COLGALT2: variants seen among roughly 807,000 people sequenced by gnomAD.
COLGALT2 encodes procollagen galactosyltransferase 2.
A neutral mutation model predicts 73.4 loss-of-function variants in COLGALT2; 49 were observed. The observed-to-expected ratio is 0.67, with a 90% CI of 0.53 to 0.85. The LOEUF (loss-of-function observed/expected upper bound fraction) is 0.85, where lower values mean the gene tolerates loss of function less well. COLGALT2 is among the 40% of genes least tolerant of loss of function. COLGALT2 has a pLI of 0.00. For synonymous variants in COLGALT2, 295 were observed against 307.6 expected (o/e 0.96, Z 0.43); for missense variants, 722 against 790.2 (o/e 0.91, Z 1.03).
intron 1 of COLGALT2, among the ~76,000 whole-genome samples, chr1:184,022,238 C>T (rs999888745): frequency 5.3e-5 from 8 of 152,078 alleles, no homozygotes; most frequent in African/African-American, 1.2e-4. Flanking sequence ...AAACTAATTA[C>T]GTGAATAAAT....
intron 8 of COLGALT2, among the ~76,000 whole-genome samples, chr1:183,949,122 A>G (rs1040397399): frequency 1.4e-4 from 22 of 152,234 alleles, no homozygotes; most frequent in Non-Finnish European, 2.6e-4. Flanking sequence ...ATTACGAATC[A>G]GAAGACTTCA....
chr1:183,963,047 A>C (rs1041714559), intron 6 of COLGALT2, among the ~76,000 whole-genome samples: 1 of 152,194 alleles, frequency 6.6e-6, no homozygotes, highest in African/African-American at 2.4e-5. Context: ...AAGCCATTTC[A>C]ACATCTTCCC....
At chr1:184,013,003 A>C (rs1648860334) in intron 1 of COLGALT2, among the ~76,000 whole-genome samples, 1 of 152,236 alleles carries the variant, frequency 6.6e-6, no homozygotes, top group African/African-American at 2.4e-5. Context: ...AGTAAACATA[A>C]TTAAGAATAG....
Position 183,995,291 on chromosome 1 carries a change from T to A in COLGALT2, c.264-16771A>T, listed in dbSNP as rs1036917130. Reference sequence around the variant, plus strand: ...AATCTCCCAAACAACCAAACATTTTTAAAAAATCTAACCACTGGCAAAAGT... The same window carrying A: ...AATCTCCCAAACAACCAAACATTTTAAAAAAATCTAACCACTGGCAAAAGT... On this transcript the variant is annotated intron_variant, in intron 1 of 11. Transcript: ENST00000361927. 2.0e-5 allele frequency among the ~76,000 whole-genome samples: 3 copies of A among 152,208 alleles called. No individual in the cohort carries two copies. The East Asian group carries it at 5.8e-4, about 29-fold the overall frequency.
intron 6 of COLGALT2, among the ~76,000 whole-genome samples, chr1:183,957,778 G>GTTTTTT (rs367921171): frequency 8.4e-6 from 1 of 118,918 alleles, no homozygotes; most frequent in Non-Finnish European, 1.7e-5. Flanking sequence ...TTTTGTGGTG[G>GTTTTTT]TTTTTTTTTT....
rs1184540125 is a variant in COLGALT2, at chr1:183,951,184, T to C, written c.1030-71A>G. On this transcript the variant is annotated intron_variant, in intron 7 of 11. Transcript: ENST00000361927. ...CTTCTTTTAGGCTGTTTGAAAAGTT[T>C]AGTAAATGTTTTAGATAGAAGAAGG... 2.7e-6 allele frequency: 3 copies of C among 1,114,122 alleles called. No individual in the cohort carries two copies. In the East Asian group the frequency reaches 7.1e-5, roughly 26 times the overall value. 69.0% of individuals were successfully genotyped at this position (1,114,122 alleles called of 1,614,324 possible).
chr1:184,021,349 T>G (rs1298435615), intron 1 of COLGALT2, among the ~76,000 whole-genome samples: 1 of 152,180 alleles, frequency 6.6e-6, no homozygotes, highest in South Asian at 2.1e-4. Context: ...GGAAACTTGA[T>G]CCCCAATGTG....
chr1:183,973,245 C>T (rs540501756), intron 4 of COLGALT2, among the ~76,000 whole-genome samples: 86 of 152,234 alleles, frequency 5.6e-4, no homozygotes, highest in African/African-American at 2.1e-3. Context: ...GATTTAACAT[C>T]TGTCTTGTTG....
At chr1:184,015,203 G>C (rs1259621081) in intron 1 of COLGALT2, among the ~76,000 whole-genome samples, 1 of 152,236 alleles carries the variant, frequency 6.6e-6, no homozygotes, top group African/African-American at 2.4e-5. Context: ...AAAGTATCAA[G>C]AGGGTCTTAA....
rs749642589 is a variant in COLGALT2 at position 183,963,989 on chromosome 1, G to T, written c.864C>A (p.His288Gln). The T allele has an allele frequency of 1.2e-6, 2 of 1,613,584 alleles. No individual in the cohort carries two copies. The highest frequency in any genetic ancestry group is 3.3e-4 in the Middle Eastern group (2 of 6,054). ...GIQMYLCNREHYGYLPIPLKP... is the reference protein window; with the variant it reads ...GIQMYLCNREQYGYLPIPLKP... ...TCAGGGGGATGGGCAGGTAGCCATAGTGCTCTCTGTTGCAGAGGTACATCT... is the reference window on the plus strand; with the variant it reads ...TCAGGGGGATGGGCAGGTAGCCATATTGCTCTCTGTTGCAGAGGTACATCT... The change falls in exon 6 of 12, where the codon CAC (histidine) becomes CAA (glutamine). Residue 288 changes from histidine (H) to glutamine (Q), a missense_variant. Physicochemically the swap from His to Gln is conservative, Grantham distance 24. Coordinates refer to ENST00000361927, the MANE Select transcript of COLGALT2 (RefSeq NM_015101.4).
chr1:184,037,109 G>T lies in COLGALT2; in HGVS notation c.249C>A (p.Ser83Arg). The change falls in exon 1 of 12, where the codon AGC becomes AGA. Residue 83 changes from serine to arginine, a missense_variant. Physicochemically the swap from Ser to Arg is moderately radical, Grantham distance 110 (BLOSUM62 -1). Coordinates refer to ENST00000361927, the MANE Select transcript of COLGALT2 (RefSeq NM_015101.4). ...GCLERLDYPKSRMAIWAATDH... is the reference protein window; with the variant it reads ...GCLERLDYPKRRMAIWAATDH... Reference sequence around the variant, plus strand: ...TGCGCGCTCACCAGATGGCCATCCTGCTCTTGGGGTAGTCCAGCCGCTCCA... The same window carrying T: ...TGCGCGCTCACCAGATGGCCATCCTTCTCTTGGGGTAGTCCAGCCGCTCCA... 1 of 1,590,066 alleles carries T rather than the reference G, an allele frequency of 6.3e-7. No homozygotes were observed. The highest frequency in any genetic ancestry group is 8.5e-7 in the Non-Finnish European group (1 of 1,171,056).
chr1:183,970,700 A>G (rs1358899520), intron 4 of COLGALT2, among the ~76,000 whole-genome samples: 1 of 152,202 alleles, frequency 6.6e-6, no homozygotes, highest in Non-Finnish European at 1.5e-5. Flanking sequence ...TTTCTCCTGA[A>G]AAATGGGATA....
intron 1 of COLGALT2, among the ~76,000 whole-genome samples, chr1:184,024,776 G>A (rs1003848241): frequency 4.6e-5 from 7 of 151,178 alleles, no homozygotes; most frequent in Admixed American, 1.3e-4. Flanking sequence ...ATTGGACCAA[G>A]CTGACCTGTT....
chr1:184,024,369 T>A (rs1485303792), intron 1 of COLGALT2, among the ~76,000 whole-genome samples: 1 of 151,834 alleles, frequency 6.6e-6, no homozygotes, highest in Non-Finnish European at 1.5e-5. Flanking sequence ...TCTTTTTTTT[T>A]TTTGACAGAG....
chr1:183,992,040 A>G (rs1010621744), intron 1 of COLGALT2, among the ~76,000 whole-genome samples: 2 of 152,118 alleles, frequency 1.3e-5, no homozygotes, highest in Non-Finnish European at 1.5e-5. Flanking sequence ...TCTTCTGCAG[A>G]GAGGGGAGCA....
intron 1 of COLGALT2, among the ~76,000 whole-genome samples, chr1:183,982,472 G>A (rs949759167): frequency 2.0e-5 from 3 of 152,148 alleles, no homozygotes; most frequent in Non-Finnish European, 2.9e-5. Context: ...CATGCAGAGA[G>A]CAATTCCTGA....
rs894500392 is a variant in COLGALT2 at position 183,937,595 on chromosome 1, T to TC, written c.*1165dup. The stretch of plus-strand genomic sequence containing the variant: ...ATCATTTGTTTCCAAATAGTTCAAA[T>TC]CCCCCCATCCACAGGCCTCCCCACA... On this transcript the variant is annotated 3_prime_UTR_variant, in exon 12 of 12. Coordinates refer to ENST00000361927, the MANE Select transcript of COLGALT2 (RefSeq NM_015101.4). 4.1e-6 allele frequency: 4 copies of TC among 984,746 alleles called. No individual in the cohort carries two copies. The highest frequency in any genetic ancestry group is 1.1e-4 in the East Asian group (1 of 8,794). The allele number at this position is 984,746 out of a possible 1,614,324, so 61.0% of individuals were successfully genotyped here. A position where few individuals can be genotyped will look rare whatever the true frequency, so the allele number is the denominator to read the frequency against.
At chr1:184,035,187 G>A (rs1431450935) in intron 1 of COLGALT2, among the ~76,000 whole-genome samples, 12 of 152,188 alleles carry the variant, frequency 7.9e-5, no homozygotes, top group Non-Finnish European at 1.8e-4. Flanking sequence ...AACTTAGGAT[G>A]TACATTGATG....
In COLGALT2 at chr1:183,944,131, C is replaced by G. The variant is rs1670185543; in HGVS notation, c.1397+65G>C. On this transcript the variant is annotated intron_variant, in intron 10 of 11. Transcript: ENST00000361927. ...TCCTACTGGCTGTGGAGGTGGGGCT[C>G]TCTGCGCATTGGAAAGGACTGAGTG... 2.0e-6 allele frequency: 3 copies of G among 1,516,468 alleles called. No homozygotes were observed. In the East Asian group the frequency reaches 7.1e-5, roughly 36 times the overall value. The allele number at this position is 1,516,468 out of a possible 1,614,324, so 93.9% of individuals were successfully genotyped here. A position where few individuals can be genotyped will look rare whatever the true frequency, so the allele number is the denominator to read the frequency against.
Sources: gnomAD v4.1 joint callset for allele counts (sites outside exome capture counted in the v4.1 genomes callset) on GRCh38, gnomAD v4.1.1 for gene constraint, MANE v1.5 for transcripts, NCBI Gene and HGNC (gene_info 2026-07-23, HGNC 2026-07-21) for gene names.